Variants in CDH12 observed in about 807,000 individuals in gnomAD.
CDH12 encodes the protein cadherin 12.
CDH12 carries 41 observed loss-of-function variants against 74.1 expected under a neutral mutation model. The ratio of observed to expected loss-of-function variants is 0.55; its 90% CI spans 0.43 to 0.72. CDH12 has a LOEUF of 0.72. Among genes scored for constraint, CDH12 ranks in the 30% least tolerant of loss-of-function variants. The pLI, the probability that CDH12 is intolerant of heterozygous loss-of-function variation, is 0.00. For missense variants in CDH12, 945 were observed against 977.2 expected (o/e 0.97, Z 0.44); for synonymous variants, 399 against 355.0 (o/e 1.12, Z -1.39).
chr5:22,039,294 C>T (rs561346691), intron 5 of CDH12, among the ~76,000 whole-genome samples: 168 of 152,126 alleles, frequency 1.1e-3, no homozygotes, highest in Non-Finnish European at 1.9e-3. Context: ...GGCCCTGGTA[C>T]CCAGGGGCAA....
intron 1 of CDH12, among the ~76,000 whole-genome samples, chr5:22,792,131 TG>T: frequency 6.8e-6 from 1 of 146,774 alleles, no homozygotes; most frequent in Non-Finnish European, 1.5e-5. Flanking sequence ...TCTTGTCACC[TG>T]GGCTGGAGTG....
chr5:22,099,483 A>T (rs1744007150), intron 4 of CDH12, among the ~76,000 whole-genome samples: 1 of 152,208 alleles, frequency 6.6e-6, no homozygotes, highest in Non-Finnish European at 1.5e-5. Context: ...GGTACAGCCC[A>T]TTTAAGCTCC....
At position 22,456,117 on chromosome 5, in the gene CDH12, ATATATATATATATAT is replaced by A. The variant is rs1261357566; in HGVS notation, c.-428+49138_-428+49152del. ...TCTGCCATGTGGATATTATATATATATATATATATATATATATAAAACGATCTCAAAAAGACAGGT... is the reference window on the plus strand; with the variant it reads ...TCTGCCATGTGGATATTATATATATAATAAAACGATCTCAAAAAGACAGGT... On this transcript the variant is annotated intron_variant, in intron 2 of 14. Transcript: ENST00000382254. Among the ~76,000 whole-genome samples, 129 of 43,214 alleles carry A rather than the reference ATATATATATATATAT, an allele frequency of 3.0e-3. No homozygotes were observed. In the South Asian group the frequency reaches 0.06, roughly 20 times the overall value. 28.4% of individuals were successfully genotyped at this position (43,214 alleles called of 152,430 possible). A position where few individuals can be genotyped will look rare whatever the true frequency, so the allele number is the denominator to read the frequency against.
At chr5:22,229,419 C>G (rs1168423148) in intron 3 of CDH12, among the ~76,000 whole-genome samples, 1 of 148,268 alleles carries the variant, frequency 6.7e-6, no homozygotes, top group East Asian at 2.0e-4. Flanking sequence ...GTTACTCCAG[C>G]CTGGGCGACA....
chr5:22,198,860 C>T (rs1241567633), intron 4 of CDH12, among the ~76,000 whole-genome samples: 1 of 149,444 alleles, frequency 6.7e-6, no homozygotes, highest in Non-Finnish European at 1.5e-5. Flanking sequence ...AAATGTTTAA[C>T]AAACCCGACA....
intron 4 of CDH12, among the ~76,000 whole-genome samples, chr5:22,166,184 T>TCAGGGCCCCTTTTCA (rs1278372645): frequency 1.3e-5 from 2 of 152,232 alleles, no homozygotes; most frequent in African/African-American, 4.8e-5. Context: ...AAATACATAA[T>TCAGGGCCCCTTTTCA]GGCTAGTTCC....
At chr5:22,461,030 C>CTTTTT (rs34555692) in intron 2 of CDH12, among the ~76,000 whole-genome samples, 26 of 63,548 alleles carry the variant, frequency 4.1e-4, no homozygotes, top group African/African-American at 5.8e-4. Flanking sequence ...CAATGTCTAG[C>CTTTTT]TTTTTTTTTT....
At chr5:22,835,645 A>C (rs1018037558) in intron 1 of CDH12, among the ~76,000 whole-genome samples, 1 of 152,158 alleles carries the variant, frequency 6.6e-6, no homozygotes, top group African/African-American at 2.4e-5. Flanking sequence ...ATTTCTGACA[A>C]GGGAATTGTA....
chr5:22,747,280 A>T (rs910919177), intron 1 of CDH12, among the ~76,000 whole-genome samples: 2 of 152,130 alleles, frequency 1.3e-5, no homozygotes, highest in African/African-American at 4.8e-5. Flanking sequence ...AAACAAAGAA[A>T]ATGTCCAAAT....
At chr5:22,798,394 T>G (rs1030852986) in intron 1 of CDH12, among the ~76,000 whole-genome samples, 1 of 152,144 alleles carries the variant, frequency 6.6e-6, no homozygotes, top group Admixed American at 6.6e-5. Context: ...ATCATATATA[T>G]TTTTTAAATT....
chr5:22,386,937 A>G (rs900639106), intron 3 of CDH12, among the ~76,000 whole-genome samples: 2 of 152,050 alleles, frequency 1.3e-5, no homozygotes, highest in South Asian at 4.1e-4. Context: ...AATTTATAAT[A>G]TACACATATT....
intron 2 of CDH12, among the ~76,000 whole-genome samples, chr5:22,448,721 A>C: frequency 6.6e-6 from 1 of 152,154 alleles, no homozygotes; most frequent in Non-Finnish European, 1.5e-5. Context: ...ATTTTTTTGT[A>C]AAAGTAAAAG....
At chr5:22,628,979 T>G (rs1028850487) in intron 1 of CDH12, among the ~76,000 whole-genome samples, 1 of 151,174 alleles carries the variant, frequency 6.6e-6, no homozygotes, top group African/African-American at 2.4e-5. Flanking sequence ...AAAAACTCTA[T>G]GCACATAAAC....
At chr5:22,565,621 G>A (rs190245632) in intron 1 of CDH12, among the ~76,000 whole-genome samples, 234 of 152,156 alleles carry the variant, frequency 1.5e-3, no homozygotes, top group African/African-American at 5.6e-3. Context: ...AAGTCACAAA[G>A]AGCCCTTATT....
chr5:22,092,546 A>C (rs1228603206), intron 4 of CDH12, among the ~76,000 whole-genome samples: 2 of 152,164 alleles, frequency 1.3e-5, no homozygotes, highest in African/African-American at 2.4e-5. Flanking sequence ...GGAAAATGCA[A>C]ATCGAAAACC....
chr5:21,996,285 C>T (rs1403965671), intron 5 of CDH12, among the ~76,000 whole-genome samples: 3 of 152,018 alleles, frequency 2.0e-5, no homozygotes, highest in Non-Finnish European at 4.4e-5. Context: ...TAGGTAGCTC[C>T]TAAACCAAAT....
intron 4 of CDH12, among the ~76,000 whole-genome samples, chr5:22,150,065 G>A (rs1174452674): frequency 2.0e-5 from 3 of 151,910 alleles, no homozygotes; most frequent in Non-Finnish European, 4.4e-5. Flanking sequence ...ATTCAAGTAC[G>A]TACACATTAG....
chr5:22,706,963 C>T (rs898196585), intron 1 of CDH12, among the ~76,000 whole-genome samples: 1 of 152,122 alleles, frequency 6.6e-6, no homozygotes, highest in African/African-American at 2.4e-5. Context: ...AGGCTCATTT[C>T]AGAAATAACT....
intron 4 of CDH12, among the ~76,000 whole-genome samples, chr5:22,210,728 A>G (rs1751481568): frequency 1.3e-5 from 2 of 151,948 alleles, no homozygotes. Flanking sequence ...TCAATTCTGA[A>G]GTTGGCACAA....
Sources: allele counts gnomAD v4.1 joint callset (sites outside exome capture counted in the v4.1 genomes callset), GRCh38; gene constraint gnomAD v4.1.1; transcripts MANE v1.5; gene names NCBI Gene and HGNC (gene_info 2026-07-23, HGNC 2026-07-21).